The following KCNQ5 variants were observed in gnomAD, a reference collection of about 807,000 sequenced individuals.
The protein encoded by KCNQ5 is potassium voltage-gated channel subfamily Q member 5, also known as potassium voltage-gated channel subfamily KQT member 5.
Under a neutral mutation model 98.2 loss-of-function variants are expected in KCNQ5, and 30 were observed. The ratio of observed to expected loss-of-function variants is 0.31; its 90% confidence interval spans 0.23 to 0.41. The LOEUF is 0.41. KCNQ5 is among the 10% of genes least tolerant of loss of function. The pLI is 1.00. For missense variants in KCNQ5, 835 were observed against 1,182.5 expected, an observed-to-expected ratio of 0.71 and a Z score of 4.31; for synonymous variants, 458 against 449.4, an observed-to-expected ratio of 1.02 and a Z score of -0.24.
intron 1 of KCNQ5, among the ~76,000 whole-genome samples, chr6:72,892,383 C>A (rs1581967923): frequency 6.6e-6 from 1 of 152,148 alleles, no homozygotes; most frequent in Non-Finnish European, 1.5e-5. Flanking sequence ...TTGGTCAGAG[C>A]CCTTGACATA....
chr6:72,904,636 T>G (rs796959790), intron 1 of KCNQ5, among the ~76,000 whole-genome samples: 4 of 152,336 alleles, frequency 2.6e-5, no homozygotes, highest in African/African-American at 9.6e-5. Context: ...TTAGTTTCAC[T>G]GGATACAAAA....
At chr6:72,806,984 A>G (rs558181053) in intron 1 of KCNQ5, 8 of 274,016 alleles carry the variant, frequency 2.9e-5, no homozygotes, top group Non-Finnish European at 4.3e-5. Context: ...TTTATTATGT[A>G]TATGTTGCAT....
chr6:73,157,402 G>C, intron 10 of KCNQ5: 1 of 587,974 alleles, frequency 1.7e-6, no homozygotes, highest in Non-Finnish European at 3.1e-6. Context: ...TTTCTGGGGG[G>C]CAGCGGCAGC....
At chr6:72,860,119 A>G (rs907573451) in intron 1 of KCNQ5, among the ~76,000 whole-genome samples, 3 of 152,206 alleles carry the variant, frequency 2.0e-5, no homozygotes, top group Non-Finnish European at 2.9e-5. Flanking sequence ...GACAGGTCCA[A>G]TGAAACAAAT....
At chr6:72,860,635 T>C (rs772623048) in intron 1 of KCNQ5, among the ~76,000 whole-genome samples, 2 of 152,328 alleles carry the variant, frequency 1.3e-5, no homozygotes, top group Non-Finnish European at 2.9e-5. Flanking sequence ...TTTTAGAGAA[T>C]CAATGTATTC....
intron 1 of KCNQ5, among the ~76,000 whole-genome samples, chr6:72,740,664 T>C (rs976110877): frequency 5.3e-5 from 8 of 152,020 alleles, no homozygotes; most frequent in African/African-American, 1.7e-4. Context: ...AAGGGTATCA[T>C]AGGGTGAATG....
At chr6:73,025,949 T>C (rs895962206) in intron 2 of KCNQ5, among the ~76,000 whole-genome samples, 3 of 152,170 alleles carry the variant, frequency 2.0e-5, no homozygotes, top group Non-Finnish European at 2.9e-5. Context: ...GGATATGATA[T>C]ATTTATATTT....
chr6:72,967,171 T>C (rs1767658805), intron 1 of KCNQ5, among the ~76,000 whole-genome samples: 1 of 152,200 alleles, frequency 6.6e-6, no homozygotes, highest in African/African-American at 2.4e-5. Flanking sequence ...TTTAATGATA[T>C]GACTCTTAGG....
intron 1 of KCNQ5, among the ~76,000 whole-genome samples, chr6:72,671,625 G>A (rs527261498): frequency 6.6e-6 from 1 of 152,098 alleles, no homozygotes; most frequent in Non-Finnish European, 1.5e-5. Flanking sequence ...TATACAGAAT[G>A]TAATACTTTC....
At chr6:72,682,919 A>C (rs1346252604) in intron 1 of KCNQ5, among the ~76,000 whole-genome samples, 1 of 152,130 alleles carries the variant, frequency 6.6e-6, no homozygotes, top group Non-Finnish European at 1.5e-5. Context: ...TTACGTTTTT[A>C]TGTTGAAAAG....
intron 3 of KCNQ5, among the ~76,000 whole-genome samples, chr6:73,064,713 T>C (rs1034156009): frequency 6.6e-6 from 1 of 152,176 alleles, no homozygotes; most frequent in East Asian, 1.9e-4. Flanking sequence ...AAGAATATAA[T>C]ATAAAGCCAC....
intron 1 of KCNQ5, among the ~76,000 whole-genome samples, chr6:72,683,511 G>T (rs1344390780): frequency 1.3e-5 from 2 of 151,878 alleles, no homozygotes; most frequent in Admixed American, 1.3e-4. Context: ...GGGACTACAG[G>T]TATGTGCCAC....
intron 3 of KCNQ5, among the ~76,000 whole-genome samples, chr6:73,063,690 A>AGATAGAT (rs1562156055): frequency 5.7e-4 from 46 of 80,330 alleles, no homozygotes; most frequent in East Asian, 4.0e-3. Flanking sequence ...GATAGATGAT[A>AGATAGAT]GATAGATAGA....
intron 1 of KCNQ5, among the ~76,000 whole-genome samples, chr6:72,890,541 G>C (rs1052109009): frequency 6.6e-6 from 1 of 152,116 alleles, no homozygotes; most frequent in Non-Finnish European, 1.5e-5. Context: ...TGTGGCAGTG[G>C]CTGCTGCTAT....
At chr6:72,808,602 C>G (rs191326471) in intron 1 of KCNQ5, among the ~76,000 whole-genome samples, 1 of 152,114 alleles carries the variant, frequency 6.6e-6, no homozygotes, top group Non-Finnish European at 1.5e-5. Flanking sequence ...AGTGCCCCAG[C>G]ACTTTCAAGG....
intron 1 of KCNQ5, among the ~76,000 whole-genome samples, chr6:72,961,095 C>A (rs894412191): frequency 2.0e-5 from 3 of 152,188 alleles, no homozygotes; most frequent in Non-Finnish European, 4.4e-5. Context: ...CATAGTGAGA[C>A]CCTGTCTCCA....
intron 1 of KCNQ5, among the ~76,000 whole-genome samples, chr6:72,781,227 C>A (rs1773450855): frequency 6.6e-6 from 1 of 152,130 alleles, no homozygotes; most frequent in Non-Finnish European, 1.5e-5. Flanking sequence ...GATGCAGCCA[C>A]AAGCCAGAGA....
At chr6:73,086,357 C>T (rs1417962970) in intron 5 of KCNQ5, among the ~76,000 whole-genome samples, 1 of 152,114 alleles carries the variant, frequency 6.6e-6, no homozygotes, top group Non-Finnish European at 1.5e-5. Flanking sequence ...CACATCATAC[C>T]CCCACTGTGG....
chr6:72,759,579 A>G (rs1171651262), intron 1 of KCNQ5, among the ~76,000 whole-genome samples: 1 of 152,066 alleles, frequency 6.6e-6, no homozygotes, highest in East Asian at 1.9e-4. Context: ...TTTCCTTGTG[A>G]GTAGATGACC....
Sources: allele counts gnomAD v4.1 joint callset (sites outside exome capture counted in the v4.1 genomes callset), GRCh38; gene constraint gnomAD v4.1.1; transcripts MANE v1.5; gene names NCBI Gene and HGNC (gene_info 2026-07-23, HGNC 2026-07-21).